Variants in TYW1B observed in about 807,000 individuals in gnomAD.
TYW1B encodes S-adenosyl-L-methionine-dependent tRNA 4-demethylwyosine synthase TYW1B.
A neutral mutation model predicts 86.9 loss-of-function variants in TYW1B; 73 were observed. The observed-to-expected ratio is 0.84, with a 90% CI of 0.70 to 1.02. The LOEUF is 1.02. TYW1B is among the 50% of genes least tolerant of loss of function. TYW1B has a pLI of 0.00. For synonymous variants in TYW1B, 248 were observed against 292.8 expected, an observed-to-expected ratio of 0.85 and a Z score of 1.56; for missense variants, 637 against 827.4, an observed-to-expected ratio of 0.77 and a Z score of 2.82.
At chr7:72,702,435 T>C (rs189593509) in intron 10 of TYW1B, among the ~76,000 whole-genome samples, 3 of 152,282 alleles carry the variant, frequency 2.0e-5, no homozygotes, top group Non-Finnish European at 4.4e-5. Context: ...TCCCCCAGGC[T>C]GGGGTGGAAT....
At chr7:72,631,083 T>C (rs1812475059) in intron 11 of TYW1B, among the ~76,000 whole-genome samples, 1 of 152,066 alleles carries the variant, frequency 6.6e-6, no homozygotes, top group Non-Finnish European at 1.5e-5. Flanking sequence ...AAGCCATCCC[T>C]GCTTTTAAAA....
At chr7:72,731,497 G>A (rs551134888) in intron 8 of TYW1B, among the ~76,000 whole-genome samples, 1 of 149,846 alleles carries the variant, frequency 6.7e-6, no homozygotes, top group Admixed American at 6.6e-5. Context: ...GAATGTAAAT[G>A]GATTAAAGTC....
In TYW1B at chr7:72,723,249, A is replaced by G. The variant is rs782581619; in HGVS notation, c.1192+5573T>C. 4.0e-4 allele frequency among the ~76,000 whole-genome samples: 61 copies of G among 152,302 alleles called. 1 individual carries two copies. Among genetic ancestry groups the G allele is most frequent in the Non-Finnish European group, 4.9e-4 (33 of 68,030 alleles). ...CCCCTGTCCCTGGGGTTATTTGTTA[A>G]AAAAAGAGTAATAAAAGGATTTAAA... On this transcript the variant is annotated intron_variant, in intron 9 of 13. Coordinates refer to ENST00000620995, the MANE Select transcript of TYW1B (RefSeq NM_001145440.3).
In TYW1B at chr7:72,616,769, A is replaced by G. The variant is rs1484006766; in HGVS notation, c.1688T>C (p.Val563Ala). Reference protein sequence around the residue: ...TMAHVPWHEEVVQFVRELVDL... With the variant: ...TMAHVPWHEEAVQFVRELVDL... ...CACCAGCTCGCGGACAAACTGTACC[A>G]CTTCCTCATGCCAGGGCACATGGGC... Residue 563 changes from valine to alanine, a missense_variant, in exon 13 of 14, where the codon GTG becomes GCG. Coordinates refer to ENST00000620995, the MANE Select transcript of TYW1B (RefSeq NM_001145440.3). 6.2e-7 allele frequency: 1 copy of G among 1,614,106 alleles called. No homozygotes were observed. Among genetic ancestry groups the G allele is most frequent in the African/African-American group, 1.3e-5 (1 of 74,936 alleles).
At chr7:72,827,238 C>G (rs1788949707) in intron 1 of TYW1B, among the ~76,000 whole-genome samples, 2 of 151,726 alleles carry the variant, frequency 1.3e-5, no homozygotes, top group South Asian at 4.1e-4. Context: ...TGAAACCCCG[C>G]CTCTACTAAA....
chr7:72,614,715 C>T (rs1374248770), intron 13 of TYW1B, among the ~76,000 whole-genome samples: 3 of 151,646 alleles, frequency 2.0e-5, no homozygotes, highest in Non-Finnish European at 2.9e-5. Context: ...ATACACTTGG[C>T]AGTGTCTGTC....
intron 11 of TYW1B, among the ~76,000 whole-genome samples, chr7:72,679,996 C>T (rs1185011420): frequency 7.9e-5 from 12 of 152,084 alleles, no homozygotes; most frequent in Admixed American, 2.6e-4. Flanking sequence ...GGCGCAGTGG[C>T]GGACACCTAT....
chr7:72,614,040 G>A (rs1283860465), intron 13 of TYW1B, among the ~76,000 whole-genome samples: 2 of 151,674 alleles, frequency 1.3e-5, no homozygotes, highest in Non-Finnish European at 2.9e-5. Flanking sequence ...GGGAGGGAGA[G>A]AGAACGAGAG....
chr7:72,754,271 C>A (rs1315080298), intron 7 of TYW1B, among the ~76,000 whole-genome samples: 1 of 151,906 alleles, frequency 6.6e-6, no homozygotes, highest in Non-Finnish European at 1.5e-5. Context: ...TCCTGAGTGG[C>A]TGGGACTACA....
intron 13 of TYW1B, among the ~76,000 whole-genome samples, chr7:72,607,158 G>C (rs1295198937): frequency 2.6e-5 from 4 of 151,880 alleles, no homozygotes; most frequent in African/African-American, 7.3e-5. Context: ...CCAGGGAGGT[G>C]GAGATGGGTG....
intron 7 of TYW1B, among the ~76,000 whole-genome samples, chr7:72,748,876 T>G (rs1446424744): frequency 6.6e-6 from 1 of 152,104 alleles, no homozygotes; most frequent in African/African-American, 2.4e-5. Flanking sequence ...TCCTGAGAGA[T>G]TAGTCTTTAG....
At chr7:72,622,556 A>G (rs2129568553) in intron 12 of TYW1B, among the ~76,000 whole-genome samples, 1 of 152,252 alleles carries the variant, frequency 6.6e-6, no homozygotes, top group South Asian at 2.1e-4. Context: ...CTCTCACCCC[A>G]CATGAGACTC....
chr7:72,809,613 C>T (rs1360879325), intron 4 of TYW1B, among the ~76,000 whole-genome samples: 1 of 151,998 alleles, frequency 6.6e-6, no homozygotes, highest in Non-Finnish European at 1.5e-5. Context: ...GATCAGGTCA[C>T]TGCATTCCAG....
At chr7:72,598,897 G>A (rs1404720401) in intron 13 of TYW1B, among the ~76,000 whole-genome samples, 1 of 152,292 alleles carries the variant, frequency 6.6e-6, no homozygotes, top group South Asian at 2.1e-4. Flanking sequence ...GAGGTGAGGA[G>A]TGGCCTGATA....
intron 11 of TYW1B, among the ~76,000 whole-genome samples, chr7:72,685,212 A>T (rs137876663): frequency 6.6e-6 from 1 of 151,854 alleles, no homozygotes; most frequent in Non-Finnish European, 1.5e-5. Flanking sequence ...TTCAATTACT[A>T]GTAGACCTAT....
intron 11 of TYW1B, among the ~76,000 whole-genome samples, chr7:72,675,230 C>T (rs1554447137): frequency 6.6e-6 from 1 of 151,994 alleles, no homozygotes; most frequent in East Asian, 1.9e-4. Context: ...GAAACCCCGT[C>T]TCTACTAAAA....
At chr7:72,746,565 T>C (rs1309851415) in intron 7 of TYW1B, among the ~76,000 whole-genome samples, 1 of 152,196 alleles carries the variant, frequency 6.6e-6, no homozygotes, top group Non-Finnish European at 1.5e-5. Flanking sequence ...TAAACCTCAA[T>C]GCAATGCAAT....
Position 72,663,882 on chromosome 7 carries a change from C to T in TYW1B, c.1506+30805G>A, listed in dbSNP as rs190966855. Reference sequence around the variant, plus strand: ...TTTAATCTTACGACACTCTGTTGAACGAGTACAAACCATTTACACATATAT... The same window carrying T: ...TTTAATCTTACGACACTCTGTTGAATGAGTACAAACCATTTACACATATAT... On this transcript the variant is annotated intron_variant, in intron 11 of 13. Coordinates refer to ENST00000620995, the MANE Select transcript of TYW1B (RefSeq NM_001145440.3). Among the ~76,000 whole-genome samples the T allele has an allele frequency of 1.4e-4, 21 of 150,620 alleles. No individual in the cohort carries two copies. The East Asian group carries it at 2.9e-3, about 21-fold the overall frequency.
intron 8 of TYW1B, among the ~76,000 whole-genome samples, chr7:72,732,323 A>T (rs1554460118): frequency 6.6e-6 from 1 of 152,232 alleles, no homozygotes; most frequent in Non-Finnish European, 1.5e-5. Flanking sequence ...ACACCTGCAG[A>T]ATACACAATC....
Sources: allele counts gnomAD v4.1 joint callset (sites outside exome capture counted in the v4.1 genomes callset), GRCh38; gene constraint gnomAD v4.1.1; transcripts MANE v1.5; gene names NCBI Gene and HGNC (gene_info 2026-07-23, HGNC 2026-07-21).